ESRRB: variants seen among roughly 807,000 people sequenced by gnomAD.
ESRRB encodes the protein steroid hormone receptor ERR2.
ESRRB carries 16 observed loss-of-function variants against 46.0 expected under a neutral mutation model. The observed-to-expected ratio is 0.35, with a 90% CI of 0.24 to 0.53. The LOEUF (loss-of-function observed/expected upper bound fraction) is 0.53, where lower values mean the gene tolerates loss of function less well. Ranked by LOEUF, ESRRB falls within the 20% of genes least tolerant of loss-of-function variation. The pLI is 0.93. For missense variants in ESRRB, 488 were observed against 607.4 expected (o/e 0.80, Z 2.07); for synonymous variants, 246 against 259.6 (o/e 0.95, Z 0.50).
chr14:76,409,258 T>C (rs1476814233), intron 1 of ESRRB, among the ~76,000 whole-genome samples: 1 of 152,118 alleles, frequency 6.6e-6, no homozygotes, highest in Admixed American at 6.5e-5. Context: ...AGAAAGTATG[T>C]ATCAGTTTTT....
chr14:76,356,442 G>A (rs1195759285), intron 1 of ESRRB, among the ~76,000 whole-genome samples: 3 of 152,066 alleles, frequency 2.0e-5, no homozygotes, highest in African/African-American at 4.8e-5. Flanking sequence ...CAGATTATAC[G>A]ACTACCCCAG....
chr14:76,487,385 T>G (rs1000750838), intron 5 of ESRRB, among the ~76,000 whole-genome samples: 4 of 152,204 alleles, frequency 2.6e-5, no homozygotes, highest in South Asian at 4.1e-4. Context: ...CTCATACGAT[T>G]ACACCCTTTT....
intron 5 of ESRRB, among the ~76,000 whole-genome samples, chr14:76,489,445 C>CCACA (rs56091857): frequency 0.017 from 2,196 of 129,634 alleles, 35 homozygotes; most frequent in South Asian, 0.024. Context: ...ATCTGGACAA[C>CCACA]CACACACACA....
At chr14:76,480,931 G>A (rs1889780936) in intron 3 of ESRRB, among the ~76,000 whole-genome samples, 1 of 152,308 alleles carries the variant, frequency 6.6e-6, no homozygotes. Context: ...GACTTCTTGT[G>A]TGTTTCAGTC....
intron 1 of ESRRB, among the ~76,000 whole-genome samples, chr14:76,417,224 CCTGA>C (rs1290360297): frequency 6.6e-6 from 1 of 152,108 alleles, no homozygotes; most frequent in African/African-American, 2.4e-5. Context: ...TCAGCAGAGA[CCTGA>C]CTAATGATGA....
chr14:76,326,304 A>G (rs1273161387), intron 1 of ESRRB, among the ~76,000 whole-genome samples: 5 of 152,220 alleles, frequency 3.3e-5, no homozygotes, highest in Non-Finnish European at 7.3e-5. Context: ...GAACCTACAC[A>G]TGGACAGCTG....
At chr14:76,365,422 T>C (rs958793356) in intron 1 of ESRRB, among the ~76,000 whole-genome samples, 2 of 152,158 alleles carry the variant, frequency 1.3e-5, no homozygotes, top group African/African-American at 4.8e-5. Flanking sequence ...AAGGCTCCAG[T>C]GAGATGTGTT....
At chr14:76,495,964 C>T (rs971274386) in intron 6 of ESRRB, among the ~76,000 whole-genome samples, 1 of 152,160 alleles carries the variant, frequency 6.6e-6, no homozygotes, top group African/African-American at 2.4e-5. Context: ...GGGTTTAAAG[C>T]GTGTACTTCA....
At chr14:76,341,650 C>T (rs1337513157) in intron 1 of ESRRB, among the ~76,000 whole-genome samples, 1 of 152,204 alleles carries the variant, frequency 6.6e-6, no homozygotes, top group Non-Finnish European at 1.5e-5. Context: ...TTAAATTGAT[C>T]AAGGCAGTCT....
chr14:76,488,033 C>T (rs757353847), intron 5 of ESRRB, among the ~76,000 whole-genome samples: 22 of 152,086 alleles, frequency 1.4e-4, no homozygotes, highest in Non-Finnish European at 8.8e-5. Flanking sequence ...GGTTCAGAAG[C>T]CAAATGTAGA....
At chr14:76,405,227 A>G (rs1181679548) in intron 1 of ESRRB, among the ~76,000 whole-genome samples, 3 of 152,008 alleles carry the variant, frequency 2.0e-5, no homozygotes, top group Non-Finnish European at 4.4e-5. Context: ...TCAGCCTCCC[A>G]AGTAGCTGGG....
intron 1 of ESRRB, among the ~76,000 whole-genome samples, chr14:76,330,738 T>C (rs1303676771): frequency 2.0e-5 from 3 of 152,120 alleles, no homozygotes; most frequent in Non-Finnish European, 4.4e-5. Context: ...CTGTCCCTGG[T>C]GGAGGAAACC....
chr14:76,423,677 G>C (rs1187936006), intron 1 of ESRRB, among the ~76,000 whole-genome samples: 1 of 152,068 alleles, frequency 6.6e-6, no homozygotes, highest in Non-Finnish European at 1.5e-5. Flanking sequence ...TGTTTGACTG[G>C]GGTCCTCAGA....
At chr14:76,458,980 G>A (rs558195954) in intron 2 of ESRRB, among the ~76,000 whole-genome samples, 5 of 152,050 alleles carry the variant, frequency 3.3e-5, no homozygotes, top group African/African-American at 1.2e-4. Flanking sequence ...GACTAGCTGG[G>A]ACTACAGGTG....
At chr14:76,353,761 G>A (rs570220098) in intron 1 of ESRRB, among the ~76,000 whole-genome samples, 1 of 152,106 alleles carries the variant, frequency 6.6e-6, no homozygotes, top group South Asian at 2.1e-4. Context: ...AGACCAGCCT[G>A]GGCAACATAG....
intron 5 of ESRRB, among the ~76,000 whole-genome samples, chr14:76,483,621 G>A (rs1307047040): frequency 6.6e-6 from 1 of 152,100 alleles, no homozygotes; most frequent in African/African-American, 2.4e-5. Flanking sequence ...CATACACATT[G>A]GGGGCCTTTC....
chr14:76,343,512 T>G (rs1884215104), intron 1 of ESRRB, among the ~76,000 whole-genome samples: 1 of 152,224 alleles, frequency 6.6e-6, no homozygotes, highest in Admixed American at 6.5e-5. Flanking sequence ...CCTTGCAGTA[T>G]CAAGCTGGGG....
Position 76,499,930 on chromosome 14 carries a change from C to T in ESRRB, c.*1472C>T, listed in dbSNP as rs766262301. On this transcript the variant is annotated 3_prime_UTR_variant, in exon 7 of 7. Coordinates refer to ENST00000644823, the MANE Select transcript of ESRRB (RefSeq NM_001379180.1). ...ATGTCAAGCCATGATGGAAAATGCC[C>T]CTTCCAATCAGCTGCCTTCACAAGC... 1.2e-6 allele frequency: 2 copies of T among 1,613,854 alleles called. No homozygotes were observed. Among genetic ancestry groups the T allele is most frequent in the African/African-American group, 2.7e-5 (2 of 74,922 alleles).
chr14:76,433,693 C>T (rs1201485168), intron 1 of ESRRB, among the ~76,000 whole-genome samples: 1 of 152,176 alleles, frequency 6.6e-6, no homozygotes, highest in African/African-American at 2.4e-5. Context: ...CTACTTTCAG[C>T]CATTGCAATG....
Sources: gnomAD v4.1 joint callset for allele counts (sites outside exome capture counted in the v4.1 genomes callset) on GRCh38, gnomAD v4.1.1 for gene constraint, MANE v1.5 for transcripts, NCBI Gene and HGNC (gene_info 2026-07-23, HGNC 2026-07-21) for gene names.